ANXA4: variants seen among roughly 807,000 people sequenced by gnomAD.
ANXA4 encodes the protein 35-beta calcimedin.
ANXA4 carries 39 observed loss-of-function variants against 49.8 expected under a neutral mutation model. The observed-to-expected ratio is 0.78, with a 90% CI of 0.61 to 1.02. The LOEUF (loss-of-function observed/expected upper bound fraction) is 1.02. Ranked by LOEUF, ANXA4 falls within the 50% of genes least tolerant of loss-of-function variation. The probability of loss-of-function intolerance (pLI) is 0.00; values close to 1 mark genes in which losing one functional copy is unlikely to be tolerated. For missense variants in ANXA4, 360 were observed against 410.1 expected, an observed-to-expected ratio of 0.88 and a Z score of 1.05; for synonymous variants, 134 against 152.5, an observed-to-expected ratio of 0.88 and a Z score of 0.89.
chr2:69,743,765 G>T (rs549825657), intron 1 of ANXA4, among the ~76,000 whole-genome samples: 66 of 152,106 alleles, frequency 4.3e-4, no homozygotes, highest in Non-Finnish European at 8.5e-4. Flanking sequence ...CACAACTACT[G>T]GATCAAGGGC....
chr2:69,816,442 GGAAACT>G (rs1673998245), intron 9 of ANXA4: 1 of 367,610 alleles, frequency 2.7e-6, no homozygotes, highest in Non-Finnish European at 5.0e-6. Flanking sequence ...CTTGTTTCTA[GGAAACT>G]GACCTTCACA....
chr2:69,813,101 C>A (rs950581002), intron 8 of ANXA4, among the ~76,000 whole-genome samples: 1 of 152,134 alleles, frequency 6.6e-6, no homozygotes, highest in East Asian at 1.9e-4. Flanking sequence ...TAATAGCAAA[C>A]CCCAAGAGGC....
chr2:69,694,236 G>T (rs544651517), intron 2 of ANXA4, among the ~76,000 whole-genome samples: 1 of 152,086 alleles, frequency 6.6e-6, no homozygotes, highest in Non-Finnish European at 1.5e-5. Flanking sequence ...AACCAAGGGC[G>T]CTTGTTTGCC....
chr2:69,734,715 T>C (rs6546545), intron 3 of ANXA4, among the ~76,000 whole-genome samples: 93,474 of 151,724 alleles, frequency 0.62, 30,861 homozygotes, highest in African/African-American at 0.84. Context: ...AGTTTGCTTG[T>C]TCCCCCCAAA....
chr2:69,656,399 A>ATGTGTG (rs1273272602), intron 2 of ANXA4, among the ~76,000 whole-genome samples: 23 of 87,644 alleles, frequency 2.6e-4, no homozygotes, highest in East Asian at 1.7e-3. Context: ...GTGTATATAT[A>ATGTGTG]TGTATATATA....
upstream of ANXA4, among the ~76,000 whole-genome samples, chr2:69,644,152 CCAA>C (rs1433890731): frequency 7.9e-6 from 1 of 126,788 alleles, no homozygotes; most frequent in Non-Finnish European, 1.6e-5. Context: ...GAAGAAACTG[CCAA>C]CAACTAAGTT....
At position 69,752,852 on chromosome 2, in the gene ANXA4, C is replaced by T. The variant is rs533900436; in HGVS notation, c.-47+10677C>T. ...GAAAATTACTTCTGTAGCTCTTGCT[C>T]CGTTCATGGTGTCCTTAAACTCCCA... On this transcript the variant is annotated intron_variant, in intron 1 of 12. Transcript: ENST00000394295. Among the ~76,000 whole-genome samples the T allele has an allele frequency of 3.8e-3, 584 of 152,314 alleles. 3 individuals carry two copies. Among genetic ancestry groups the T allele is most frequent in the African/African-American group, 0.014 (567 of 41,576 alleles).
At chr2:69,761,993 C>T (rs576564093) in intron 1 of ANXA4, among the ~76,000 whole-genome samples, 1 of 152,150 alleles carries the variant, frequency 6.6e-6, no homozygotes, top group South Asian at 2.1e-4. Context: ...GAAAAGATGC[C>T]ACATGCTTGA....
intron 6 of ANXA4, 190 bp from the exon 7 acceptor site, chr2:69,810,404 A>G (rs1673646404): frequency 3.5e-6 from 2 of 579,524 alleles, no homozygotes; most frequent in Non-Finnish European, 6.2e-6. Context: ...ATATCGTGTG[A>G]CAGGATAAGC....
intron 1 of ANXA4, among the ~76,000 whole-genome samples, chr2:69,747,651 G>C (rs1670665521): frequency 6.6e-6 from 1 of 152,168 alleles, no homozygotes; most frequent in African/African-American, 2.4e-5. Context: ...GTTGAGCAAT[G>C]TGTAATGAGT....
chr2:69,687,957 A>G (rs1336823357), intron 2 of ANXA4, among the ~76,000 whole-genome samples: 5 of 152,208 alleles, frequency 3.3e-5, no homozygotes, highest in Non-Finnish European at 2.9e-5. Context: ...AAATATACCC[A>G]CAATACTTTT....
chr2:69,680,361 C>T (rs781245442), intron 2 of ANXA4, among the ~76,000 whole-genome samples: 2 of 152,130 alleles, frequency 1.3e-5, no homozygotes, highest in Non-Finnish European at 2.9e-5. Context: ...TTGTATCCTG[C>T]AAATTTAATG....
Position 69,731,976 on chromosome 2 carries a change from C to CTTTTTTT in ANXA4, n.864+11108_864+11109insTTTTTTT. ...CTATTTCTTAGTTACATTTTCTTTT[C>CTTTTTTT]TTTCTTTTTTTTTTTTTTTTTTGAG... On this transcript the variant is annotated intron_variant and non_coding_transcript_variant, in intron 3 of 3. Transcript: ENST00000418066. Among the ~76,000 whole-genome samples, 259 of 106,954 alleles carry CTTTTTTT rather than the reference C, an allele frequency of 2.4e-3. 1 individual carries two copies. Among genetic ancestry groups the CTTTTTTT allele is most frequent in the African/African-American group, 9.6e-3 (240 of 24,880 alleles). The allele number at this position is 106,954 out of a possible 152,430, so 70.2% of individuals were successfully genotyped here.
intron 3 of ANXA4, among the ~76,000 whole-genome samples, chr2:69,732,101 C>G (rs1288670716): frequency 4.6e-5 from 7 of 151,474 alleles, no homozygotes; most frequent in African/African-American, 1.5e-4. Context: ...CCTCAGCCTC[C>G]TGAGTAGCTG....
chr2:69,715,025 A>T (rs1678832265), intron 2 of ANXA4, among the ~76,000 whole-genome samples: 1 of 152,216 alleles, frequency 6.6e-6, no homozygotes, highest in Admixed American at 6.5e-5. Flanking sequence ...TAAAGCCAAG[A>T]TTGAAGAAGA....
At chr2:69,729,228 G>A (rs1193511772) in intron 3 of ANXA4, among the ~76,000 whole-genome samples, 1 of 152,002 alleles carries the variant, frequency 6.6e-6, no homozygotes, top group East Asian at 1.9e-4. Context: ...TGGCCAGTCT[G>A]GTCTCTATCT....
chr2:69,787,575 G>A (rs758898193), intron 2 of ANXA4, among the ~76,000 whole-genome samples: 1 of 152,156 alleles, frequency 6.6e-6, no homozygotes, highest in Non-Finnish European at 1.5e-5. Flanking sequence ...AGGGTTCCAC[G>A]TTGGTGTAGT....
intron 2 of ANXA4, among the ~76,000 whole-genome samples, chr2:69,660,852 GGAGAGATAA>G (rs1224735337): frequency 6.6e-6 from 1 of 151,646 alleles, no homozygotes; most frequent in African/African-American, 2.4e-5. Context: ...AAAATAGAAG[GGAGAGATAA>G]GAGAGATAAT....
In ANXA4 at chr2:69,796,411, A is replaced by G. The variant is rs79414773; in HGVS notation, c.98-8122A>G. Among the ~76,000 whole-genome samples the G allele has an allele frequency of 8.1e-3, 1,238 of 152,274 alleles. 20 individuals are homozygous for G. The highest frequency in any genetic ancestry group is 0.028 in the African/African-American group (1,150 of 41,546). Reference sequence around the variant, plus strand: ...CCTTCAGGAGATCTTCCAAGGTACTATCTGGTCCTATAGCCTGTTTTTGTG... The same window carrying G: ...CCTTCAGGAGATCTTCCAAGGTACTGTCTGGTCCTATAGCCTGTTTTTGTG... On this transcript the variant is annotated intron_variant, in intron 3 of 12. Coordinates refer to ENST00000394295, the MANE Select transcript of ANXA4 (RefSeq NM_001153.5).
Sources: allele counts gnomAD v4.1 joint callset (sites outside exome capture counted in the v4.1 genomes callset), GRCh38; gene constraint gnomAD v4.1.1; transcripts MANE v1.5; gene names NCBI Gene and HGNC (gene_info 2026-07-23, HGNC 2026-07-21).